AMPH: variants seen among roughly 807,000 people sequenced by gnomAD.
AMPH encodes the protein amphiphysin (Stiff-Mann syndrome with breast cancer 128kD autoantigen).
In AMPH, 49 loss-of-function variants were observed where a neutral mutation model predicts 99.1. The observed-to-expected ratio is 0.49, with a 90% CI of 0.39 to 0.63. The LOEUF (loss-of-function observed/expected upper bound fraction) is 0.63. AMPH is among the 20% of genes least tolerant of loss of function. AMPH has a pLI of 0.00. For synonymous variants in AMPH, 314 were observed against 317.3 expected, an observed-to-expected ratio of 0.99 and a Z score of 0.11; for missense variants, 759 against 863.4, an observed-to-expected ratio of 0.88 and a Z score of 1.52.
chr7:38,413,003 CAACACTGGAAGAG>C, intron 17 of AMPH, among the ~76,000 whole-genome samples: 1 of 152,260 alleles, frequency 6.6e-6, no homozygotes, highest in Admixed American at 6.5e-5. Context: ...TGACATGAGG[CAACACTGGAAGAG>C]GGGGCTGTTA....
intron 3 of AMPH, among the ~76,000 whole-genome samples, chr7:38,499,492 A>C (rs1251576604): frequency 6.6e-6 from 1 of 152,128 alleles, no homozygotes; most frequent in Non-Finnish European, 1.5e-5. Context: ...GAGAACTGAA[A>C]CATTTAATAG....
intron 1 of AMPH, among the ~76,000 whole-genome samples, chr7:38,538,764 G>C (rs1790703776): frequency 6.6e-6 from 1 of 152,202 alleles, no homozygotes; most frequent in African/African-American, 2.4e-5. Context: ...AAAGATGAAG[G>C]ACAGAACAGA....
intron 16 of AMPH, 64 bp downstream of exon 16, chr7:38,422,357 T>C: frequency 1.5e-6 from 2 of 1,352,494 alleles, no homozygotes; most frequent in African/African-American, 1.5e-5. Context: ...CCTAGAATGA[T>C]CAGCTTTAGA....
At chr7:38,589,201 A>C (rs1792768652) in intron 1 of AMPH, among the ~76,000 whole-genome samples, 1 of 152,210 alleles carries the variant, frequency 6.6e-6, no homozygotes, top group African/African-American at 2.4e-5. Flanking sequence ...TAAAAACTGC[A>C]AGTGTGAGCA....
chr7:38,532,046 T>C (rs569156642), intron 2 of AMPH, among the ~76,000 whole-genome samples: 5 of 152,266 alleles, frequency 3.3e-5, no homozygotes, highest in African/African-American at 7.2e-5. Flanking sequence ...CACATGCAAA[T>C]TGATCACCAA....
intron 17 of AMPH, among the ~76,000 whole-genome samples, chr7:38,395,573 GGTTC>G (rs1410640291): frequency 1.3e-5 from 2 of 152,188 alleles, no homozygotes. Context: ...TGATTTGAGA[GGTTC>G]ACGTGAGAAA....
intron 2 of AMPH, among the ~76,000 whole-genome samples, chr7:38,531,818 T>C (rs773838485): frequency 9.9e-5 from 15 of 152,210 alleles, no homozygotes; most frequent in Non-Finnish European, 2.1e-4. Flanking sequence ...AAAATATATA[T>C]ACTCGTAGAA....
chr7:38,416,365 C>T (rs2128986600), intron 17 of AMPH, among the ~76,000 whole-genome samples: 1 of 152,058 alleles, frequency 6.6e-6, no homozygotes, highest in Non-Finnish European at 1.5e-5. Context: ...GCACAACATC[C>T]AATGCTGCCC....
intron 1 of AMPH, among the ~76,000 whole-genome samples, chr7:38,622,113 A>G (rs567804508): frequency 6.6e-6 from 1 of 152,294 alleles, no homozygotes; most frequent in South Asian, 2.1e-4. Flanking sequence ...AATGTTAGCC[A>G]TTTACTGAGA....
chr7:38,567,634 C>T (rs923791275), intron 1 of AMPH, among the ~76,000 whole-genome samples: 1 of 152,136 alleles, frequency 6.6e-6, no homozygotes, highest in Non-Finnish European at 1.5e-5. Context: ...GTAAGAGTAC[C>T]TTTCTGCCCA....
chr7:38,614,247 G>A (rs1422775481), intron 1 of AMPH, among the ~76,000 whole-genome samples: 25 of 152,150 alleles, frequency 1.6e-4, no homozygotes, highest in Admixed American at 1.6e-3. Context: ...TGAAAAGGGA[G>A]GAATTGATAC....
At chr7:38,411,954 G>A (rs75462774) in intron 17 of AMPH, among the ~76,000 whole-genome samples, 2,572 of 152,228 alleles carry the variant, frequency 0.017, 69 homozygotes, top group African/African-American at 0.059. Context: ...TTTAGTATGT[G>A]ACAAAAAGTA....
At chr7:38,556,766 G>A (rs1188087765) in intron 1 of AMPH, among the ~76,000 whole-genome samples, 1 of 152,156 alleles carries the variant, frequency 6.6e-6, no homozygotes, top group Non-Finnish European at 1.5e-5. Flanking sequence ...ATGAGGGAAA[G>A]GGCTTTGTCT....
At chr7:38,458,279 G>C (rs564068945) in intron 11 of AMPH, among the ~76,000 whole-genome samples, 1 of 152,136 alleles carries the variant, frequency 6.6e-6, no homozygotes, top group East Asian at 1.9e-4. Flanking sequence ...TGAATTCACA[G>C]CCCAACCCTA....
chr7:38,544,272 AT>A (rs1183656216), intron 1 of AMPH, among the ~76,000 whole-genome samples: 1 of 152,184 alleles, frequency 6.6e-6, no homozygotes, highest in East Asian at 1.9e-4. Flanking sequence ...GTTATACAAA[AT>A]GTATGTTCTC....
chr7:38,424,667 A>C (rs1214075477), intron 15 of AMPH, among the ~76,000 whole-genome samples: 1 of 152,180 alleles, frequency 6.6e-6, no homozygotes, highest in Admixed American at 6.5e-5. Flanking sequence ...AAAGCCATGA[A>C]ATATTTTTTT....
intron 1 of AMPH, among the ~76,000 whole-genome samples, chr7:38,537,180 T>C (rs1053784565): frequency 3.9e-5 from 6 of 152,044 alleles, no homozygotes; most frequent in African/African-American, 1.4e-4. Flanking sequence ...AAAATTCCCA[T>C]CAAAAAATAT....
In AMPH at chr7:38,475,430, A is replaced by G. The variant is rs1320741118; in HGVS notation, c.505-14T>C. 1.9e-6 allele frequency: 3 copies of G among 1,589,518 alleles called. No individual in the cohort carries two copies. The South Asian group carries it at 3.3e-5, about 18-fold the overall frequency. ...TTCTTCTTCTGCCTAGGAATGAAACATAACATGTGTTTACACTAAGAAAGA... is the reference window on the plus strand; with the variant it reads ...TTCTTCTTCTGCCTAGGAATGAAACGTAACATGTGTTTACACTAAGAAAGA... On this transcript the variant is annotated splice_polypyrimidine_tract_variant and intron_variant, in intron 6 of 20. Transcript: ENST00000356264.
At chr7:38,397,343 G>A (rs188194696) in intron 17 of AMPH, among the ~76,000 whole-genome samples, 52 of 152,092 alleles carry the variant, frequency 3.4e-4, no homozygotes, top group African/African-American at 1.1e-3. Flanking sequence ...TGTTCCATAC[G>A]AACATAATGT....
Sources: allele counts gnomAD v4.1 joint callset (sites outside exome capture counted in the v4.1 genomes callset), GRCh38; gene constraint gnomAD v4.1.1; transcripts MANE v1.5; gene names NCBI Gene and HGNC (gene_info 2026-07-23, HGNC 2026-07-21).